EXOC1: variants seen among roughly 807,000 people sequenced by gnomAD.
EXOC1 encodes the protein SEC3-like 1.
In EXOC1, 67 loss-of-function variants were observed where a neutral mutation model predicts 107.7. That is an observed-to-expected ratio of 0.62 (90% CI 0.51 to 0.76). The LOEUF (loss-of-function observed/expected upper bound fraction) is 0.76. EXOC1 is among the 30% of genes least tolerant of loss of function. EXOC1 has a pLI of 0.00. For missense variants in EXOC1, 833 were observed against 1,055.7 expected (o/e 0.79, Z 2.92); for synonymous variants, 348 against 353.5 (o/e 0.98, Z 0.17).
intron 11 of EXOC1, 32 bp from the exon 12 acceptor site, chr4:55,890,191 A>G (rs1724354577): frequency 6.2e-7 from 1 of 1,605,826 alleles, no homozygotes; most frequent in African/African-American, 1.3e-5. Flanking sequence ...ATTTGTGAAG[A>G]TCACAACTTT....
At chr4:55,878,811 T>G (rs1723126883) in intron 9 of EXOC1, among the ~76,000 whole-genome samples, 1 of 152,186 alleles carries the variant, frequency 6.6e-6, no homozygotes, top group African/African-American at 2.4e-5. Context: ...AGAAATTTCC[T>G]ATTCTAGGGC....
chr4:55,878,916 C>G (rs1174984118), intron 9 of EXOC1, among the ~76,000 whole-genome samples: 1 of 152,030 alleles, frequency 6.6e-6, no homozygotes, highest in Non-Finnish European at 1.5e-5. Flanking sequence ...AATTAAGAAC[C>G]TAAAGTAATA....
chr4:55,899,597 A>G (rs1012205383), intron 16 of EXOC1, 88 bp from the exon 17 acceptor site: 4 of 1,209,248 alleles, frequency 3.3e-6, no homozygotes, highest in Non-Finnish European at 4.6e-6. Flanking sequence ...TAAACTTACA[A>G]ATGAAAAAAA....
chr4:55,901,701 T>TATAAATTGTC (rs1725944985), intron 17 of EXOC1, among the ~76,000 whole-genome samples: 2 of 152,146 alleles, frequency 1.3e-5, no homozygotes, highest in South Asian at 4.1e-4. Flanking sequence ...CAACTATTGT[T>TATAAATTGTC]ATAAATTGTC....
At chr4:55,879,925 T>G (rs573987086) in intron 9 of EXOC1, among the ~76,000 whole-genome samples, 6 of 152,258 alleles carry the variant, frequency 3.9e-5, no homozygotes, top group Admixed American at 2.0e-4. Context: ...AATATGGCCC[T>G]AAAAGATGTT....
rs752428616 is a variant in EXOC1 at position 55,904,531 on chromosome 4, ATT to A, written c.*38_*39del. 6.3e-6 allele frequency: 10 copies of A among 1,585,354 alleles called. No individual in the cohort carries two copies. Among genetic ancestry groups the A allele is most frequent in the African/African-American group, 5.4e-5 (4 of 73,990 alleles). ...AGAAGAAAAGATAACTGAATGAAGC[ATT>A]TGAGTATAACAGACACTATACCAAA... On this transcript the variant is annotated 3_prime_UTR_variant, in exon 19 of 19. Coordinates refer to ENST00000381295, the MANE Select transcript of EXOC1 (RefSeq NM_001024924.2).
At chr4:55,862,164 G>A (rs752954883) in intron 3 of EXOC1, among the ~76,000 whole-genome samples, 4 of 152,188 alleles carry the variant, frequency 2.6e-5, no homozygotes, top group Non-Finnish European at 5.9e-5. Flanking sequence ...CACTTTAAGG[G>A]TTTTTAAAAC....
At chr4:55,901,190 G>A (rs1195609570) in intron 17 of EXOC1, among the ~76,000 whole-genome samples, 1 of 152,124 alleles carries the variant, frequency 6.6e-6, no homozygotes, top group African/African-American at 2.4e-5. Flanking sequence ...AAACAGAGAC[G>A]AGATTATCAC....
At chr4:55,861,208 CT>C (rs916578276) in intron 3 of EXOC1, among the ~76,000 whole-genome samples, 2 of 152,130 alleles carry the variant, frequency 1.3e-5, no homozygotes, top group African/African-American at 2.4e-5. Flanking sequence ...CTTCCTCCCC[CT>C]GGCCCTCTCT....
intron 13 of EXOC1, 79 bp downstream of exon 13, chr4:55,891,501 A>T (rs1724544354): frequency 4.1e-6 from 4 of 971,074 alleles, no homozygotes; most frequent in Non-Finnish European, 4.8e-6. Context: ...TCACAATTTT[A>T]TGATCAGAAG....
At position 55,858,391 on chromosome 4, in the gene EXOC1, T is replaced by C. The variant is rs185643733; in HGVS notation, c.68T>C (p.Ile23Thr). The C allele has an allele frequency of 4.3e-6, 7 of 1,611,014 alleles. No individual in the cohort carries two copies. The East Asian group carries it at 1.3e-4, about 31-fold the overall frequency. The change falls in exon 2 of 19, where the codon ATT becomes ACT. Residue 23 changes from isoleucine (I) to threonine (T), a missense_variant. Ile to Thr is a moderately conservative substitution (Grantham distance 89). This residue lies in a region of EXOC1 where 617 missense variants were observed against 701.3 expected (regional missense o/e 0.88). Transcript: ENST00000381295. Reference protein sequence around the residue: ...FTPNDERLLSIVNVCKAGKKK... With the variant: ...FTPNDERLLSTVNVCKAGKKK... ...CCAAATGATGAACGCCTGCTGAGCATTGTGAATGTCTGCAAAGCAGGAAAA... is the reference window on the plus strand; with the variant it reads ...CCAAATGATGAACGCCTGCTGAGCACTGTGAATGTCTGCAAAGCAGGAAAA...
chr4:55,884,147 G>A (rs1297256804), intron 10 of EXOC1, among the ~76,000 whole-genome samples: 11 of 152,190 alleles, frequency 7.2e-5, no homozygotes, highest in Non-Finnish European at 1.6e-4. Context: ...GACTGTGACA[G>A]CGATTGTGTA....
In EXOC1 at chr4:55,904,526, G is replaced by A. The variant is rs1378741746; in HGVS notation, c.*31G>A. 2.5e-6 allele frequency: 4 copies of A among 1,588,062 alleles called. No homozygotes were observed. The highest frequency in any genetic ancestry group is 2.7e-5 in the African/African-American group (2 of 73,868). ...GTGAAAGAAGAAAAGATAACTGAAT[G>A]AAGCATTTGAGTATAACAGACACTA... is the stretch of plus-strand genomic sequence containing the variant. On this transcript the variant is annotated 3_prime_UTR_variant, in exon 19 of 19. Coordinates refer to ENST00000381295, the MANE Select transcript of EXOC1 (RefSeq NM_001024924.2).
intron 10 of EXOC1, among the ~76,000 whole-genome samples, chr4:55,888,260 C>T (rs917038226): frequency 6.6e-6 from 1 of 152,122 alleles, no homozygotes; most frequent in African/African-American, 2.4e-5. Flanking sequence ...CTAAACTTTA[C>T]CCTTTTATTC....
At chr4:55,857,239 C>T (rs1371486445) in intron 1 of EXOC1, among the ~76,000 whole-genome samples, 2 of 116,428 alleles carry the variant, frequency 1.7e-5, no homozygotes, top group Non-Finnish European at 3.2e-5. Context: ...AGTGCAGTGG[C>T]GCAGTCTCGG....
chr4:55,898,364 T>TA (rs1306243153), intron 16 of EXOC1, among the ~76,000 whole-genome samples: 2 of 152,174 alleles, frequency 1.3e-5, no homozygotes, highest in South Asian at 2.1e-4. Context: ...TTTAATTGGA[T>TA]AAAAAATCTA....
chr4:55,881,274 C>T (rs1723353363), intron 9 of EXOC1, among the ~76,000 whole-genome samples: 1 of 152,142 alleles, frequency 6.6e-6, no homozygotes, highest in Admixed American at 6.5e-5. Flanking sequence ...ATGGTCCATC[C>T]ATGCTTGGGT....
chr4:55,878,109 T>C lies in EXOC1; in HGVS notation c.1224+43T>C, dbSNP rs550447747. 2.9e-5 allele frequency: 46 copies of C among 1,586,594 alleles called. 1 individual carries two copies. The South Asian group carries it at 5.1e-4, about 18-fold the overall frequency. On this transcript the variant is annotated intron_variant, in intron 9 of 18. Transcript: ENST00000381295. ...TTTACTCACTGAGAATAGAGCATTA[T>C]CTTTTAGAATTAAGAGGTCATGTGT...
At chr4:55,881,493 G>A (rs893230122) in intron 9 of EXOC1, among the ~76,000 whole-genome samples, 7 of 152,116 alleles carry the variant, frequency 4.6e-5, no homozygotes, top group Non-Finnish European at 1.0e-4. Context: ...AGCCTCAGGA[G>A]GTCCTGACGA....
Sources: gnomAD v4.1 joint callset for allele counts (sites outside exome capture counted in the v4.1 genomes callset) on GRCh38, gnomAD v4.1.1 for gene constraint, gnomAD v4.1.1 regional missense constraint, MANE v1.5 for transcripts, NCBI Gene and HGNC (gene_info 2026-07-23, HGNC 2026-07-21) for gene names.